The following HCFC1 variants were observed in gnomAD, a reference collection of about 807,000 sequenced individuals.
HCFC1 encodes host cell factor C1, also known as host cell factor 1.
HCFC1 carries 7 observed loss-of-function variants against 105.5 expected under a neutral mutation model. The observed-to-expected ratio is 0.07, with a 90% CI of 0.04 to 0.12. The LOEUF is 0.12. HCFC1 is among the 10% of genes least tolerant of loss of function. The probability of loss-of-function intolerance (pLI) is 1.00; values close to 1 mark genes in which losing one functional copy is unlikely to be tolerated. For missense variants in HCFC1, 1,065 were observed against 1,823.6 expected (o/e 0.58, Z 7.58); for synonymous variants, 918 against 828.1 (o/e 1.11, Z -1.86).
chrX:153,950,861 C>T lies in HCFC1; in HGVS notation c.5655G>A (p.Thr1885=), dbSNP rs781951219. 12 of 1,208,691 alleles carry T rather than the reference C, an allele frequency of 9.9e-6. No individual in the cohort carries two copies. The highest frequency in any genetic ancestry group is 8.9e-5 in the East Asian group (3 of 33,768). ...GGGCCCCTGGGAAACCAGGCAGGCACGTCTTAAAGGCTGAGATTTCGCTGA... is the reference window on the plus strand; with the variant it reads ...GGGCCCCTGGGAAACCAGGCAGGCATGTCTTAAAGGCTGAGATTTCGCTGA... The part of the protein sequence containing the change: ...GPFSEISAFK[T]CLPGFPGAPC... The change falls in exon 23 of 26, where the codon ACG becomes ACA. Residue 1885 remains threonine, a synonymous_variant. Transcript: ENST00000310441.
In HCFC1 at chrX:153,955,088, C is replaced by T; in HGVS notation, c.3311G>A (p.Cys1104Tyr). 3 of 1,210,476 alleles carry T rather than the reference C, an allele frequency of 2.5e-6. No individual in the cohort carries two copies. The highest frequency in any genetic ancestry group is 3.4e-6 in the Non-Finnish European group (3 of 894,851). The change falls in exon 17 of 26, where the codon TGC becomes TAC. Residue 1104 changes from cysteine (C) to tyrosine (Y), a missense_variant. Coordinates refer to ENST00000310441, the MANE Select transcript of HCFC1 (RefSeq NM_005334.3). ...ATSNMAGQHG[C>Y]SNPPCETHET... ...GTGGGTCTCGCAGGGTGGGTTTGAGCAGCCATGCTGCCCGGCCATGTTGGA... is the reference window on the plus strand; with the variant it reads ...GTGGGTCTCGCAGGGTGGGTTTGAGTAGCCATGCTGCCCGGCCATGTTGGA...
chrX:153,958,422 G>A, intron 10 of HCFC1, 147 bp downstream of exon 10: 1 of 673,244 alleles, frequency 1.5e-6, no homozygotes, highest in Non-Finnish European at 2.3e-6. Context: ...AAGGGAGGAG[G>A]CTGAGCCTGC....
At chrX:153,952,311 T>C in intron 19 of HCFC1, 153 bp from the exon 20 acceptor site, 1 of 1,002,607 alleles carries the variant, frequency 1.0e-6, no homozygotes, top group African/African-American at 1.9e-5. Flanking sequence ...GCCCTGCCTG[T>C]TTCCCAGGCG....
chrX:153,968,429 A>G (rs931958925), intron 1 of HCFC1, among the ~76,000 whole-genome samples: 2 of 111,993 alleles, frequency 1.8e-5, no homozygotes, highest in Non-Finnish European at 3.8e-5. Context: ...GACAAGACAA[A>G]GGTGACGAGG....
chrX:153,953,100 G>A (rs2065331104), intron 18 of HCFC1, 142 bp from the exon 19 acceptor site: 1 of 546,414 alleles, frequency 1.8e-6, no homozygotes, highest in African/African-American at 2.3e-5. Flanking sequence ...TCTAGAAAGG[G>A]AGAGAAGCCC....
In HCFC1 at chrX:153,952,857, C is replaced by T; in HGVS notation, c.4599G>A (p.Glu1533=). 1 of 1,183,436 alleles carries T rather than the reference C, an allele frequency of 8.4e-7. No homozygotes were observed. The highest frequency in any genetic ancestry group is 1.1e-6 in the Non-Finnish European group (1 of 882,218). Reference sequence around the variant, plus strand: ...CAGGGGTCTGGGAGGCTGACAGGACCTCGGCGGACTCCCCCATCAGGGCTG... The same window carrying T: ...CAGGGGTCTGGGAGGCTGACAGGACTTCGGCGGACTCCCCCATCAGGGCTG... ...ASTALMGESA[E]VLSASQTPEL... The change falls in exon 19 of 26, where the codon GAG becomes GAA. Residue 1533 remains glutamate, a synonymous_variant. Coordinates refer to ENST00000310441, the MANE Select transcript of HCFC1 (RefSeq NM_005334.3).
intron 23 of HCFC1, 66 bp downstream of exon 23, chrX:153,950,747 C>T (rs1478402294): frequency 9.2e-7 from 1 of 1,085,475 alleles, no homozygotes; most frequent in Non-Finnish European, 1.3e-6. Flanking sequence ...CCCCCCCGGC[C>T]ACCTCATGTG....
Position 153,955,172 on chromosome X carries a change from G to A in HCFC1, c.3227C>T (p.Ser1076Leu), listed in dbSNP as rs1557114419. Residue 1076 changes from serine (S) to leucine (L), a missense_variant, in exon 17 of 26, where the codon TCG becomes TTG. Physicochemically the swap from Ser to Leu is moderately radical, Grantham distance 145. Around this residue, in one of 17 missense-constraint regions of HCFC1, gnomAD observed 546 missense variants for 599.9 expected, o/e 0.91. Coordinates refer to ENST00000310441, the MANE Select transcript of HCFC1 (RefSeq NM_005334.3). ...CTCGTGGGTCTCGCAGGGCGGGTTC[G>A]AACAGACTCGGACCACGCTACCATT... Reference protein sequence around the residue: ...QQNGSVVRVCSNPPCETHETG... With the variant: ...QQNGSVVRVCLNPPCETHETG... 5 of 1,211,547 alleles carry A rather than the reference G, an allele frequency of 4.1e-6. No individual in the cohort carries two copies. Among genetic ancestry groups the A allele is most frequent in the Admixed American group, 4.3e-5 (2 of 46,093 alleles).
Position 153,971,523 on chromosome X carries a change from G to C in HCFC1, c.-683C>G, listed in dbSNP as rs2065534455. On this transcript the variant is annotated 5_prime_UTR_variant, in exon 1 of 26. Coordinates refer to ENST00000310441, the MANE Select transcript of HCFC1 (RefSeq NM_005334.3). Reference sequence around the variant, plus strand: ...GGGCTCGCGCCGTACGGCTTGTGAAGTCTCGCGCCTCTCCCCTTAGTCCGC... The same window carrying C: ...GGGCTCGCGCCGTACGGCTTGTGAACTCTCGCGCCTCTCCCCTTAGTCCGC... 6.8e-6 allele frequency: 2 copies of C among 294,400 alleles called. No individual in the cohort carries two copies. The highest frequency in any genetic ancestry group is 4.8e-5 in the East Asian group (1 of 20,891). 24.3% of individuals were successfully genotyped at this position (294,400 alleles called of 1,213,427 possible). A position where few individuals can be genotyped will look rare whatever the true frequency, so the allele number is the denominator to read the frequency against.
Position 153,950,795 on chromosome X carries a change from C to T in HCFC1, c.5703+18G>A. 8.3e-7 allele frequency: 1 copy of T among 1,205,255 alleles called. No homozygotes were observed. Among genetic ancestry groups the T allele is most frequent in the Non-Finnish European group, 1.1e-6 (1 of 891,281 alleles). ...GAAACCAACCAGGGACAGACGGCCA[C>T]CCCACAGCAAGACTCACTTTGCTGA... On this transcript the variant is annotated intron_variant, in intron 23 of 25. Coordinates refer to ENST00000310441, the MANE Select transcript of HCFC1 (RefSeq NM_005334.3).
In HCFC1 at chrX:153,970,691, G is replaced by C. The variant is rs1557119890; in HGVS notation, c.150C>G (p.Gly50=). 8.3e-7 allele frequency: 1 copy of C among 1,209,324 alleles called. No homozygotes were observed. Among genetic ancestry groups the C allele is most frequent in the East Asian group, 3.0e-5 (1 of 33,657 alleles). ...AIKELIVVFG[G]GNEGIVDELH... is the part of the protein sequence containing the mutation. ...GTTCGTCCACTATTCCCTCGTTGCC[G>C]CCGCCAAACACCACGATGAGCTCCT... The change falls in exon 1 of 26, where the codon GGC becomes GGG. Residue 50 remains glycine (G), a synonymous_variant. Transcript: ENST00000310441.
rs1486861476 is a variant in HCFC1 at position 153,954,476 on chromosome X, G to A, written c.3923C>T (p.Ser1308Leu). The change falls in exon 17 of 26, where the codon TCG (serine) becomes TTG (leucine). Residue 1308 changes from serine to leucine, a missense_variant. Ser to Leu is a moderately radical substitution (Grantham distance 145). Coordinates refer to ENST00000310441, the MANE Select transcript of HCFC1 (RefSeq NM_005334.3). Reference sequence around the variant, plus strand: ...CACCCTCTGGGCGCTGCCTGCATTCGAGGTAGTGGCGGTGTTGGTGGTGCC... The same window carrying A: ...CACCCTCTGGGCGCTGCCTGCATTCAAGGTAGTGGCGGTGTTGGTGGTGCC... Reference protein sequence around the residue: ...ETGTTNTATTSNAGSAQRVCS... With the variant: ...ETGTTNTATTLNAGSAQRVCS... The A allele has an allele frequency of 3.3e-6, 4 of 1,209,569 alleles. No individual in the cohort carries two copies. Among genetic ancestry groups the A allele is most frequent in the Admixed American group, 2.2e-5 (1 of 45,932 alleles).
Position 153,956,957 on chromosome X carries a change from G to C in HCFC1, c.2457C>G (p.Pro819=). ...GAPAKIITAV[P]KIATGHGQQG... is the part of the protein sequence containing the mutation. ...GCTGCCCGTGGCCAGTGGCAATTTT[G>C]GGGACAGCAGTGATGATTTTCGCAG... The change falls in exon 14 of 26, where the codon CCC becomes CCG. Residue 819 remains proline, a synonymous_variant. Transcript: ENST00000310441. The C allele has an allele frequency of 2.5e-6, 3 of 1,210,629 alleles. No individual in the cohort carries two copies. The highest frequency in any genetic ancestry group is 1.7e-5 in the African/African-American group (1 of 57,746).
chrX:153,955,016 C>A lies in HCFC1; in HGVS notation c.3383G>T (p.Gly1128Val). The change falls in exon 17 of 26, where the codon GGC (glycine) becomes GTC (valine). Residue 1128 changes from glycine to valine, a missense_variant. By Grantham distance (109) the Gly-to-Val change is moderately radical. This residue lies in a region of HCFC1 where 546 missense variants were observed against 599.9 expected (regional missense o/e 0.91). Transcript: ENST00000310441. Reference protein sequence around the residue: ...NTATTAMSSVGANHQRDARRA... With the variant: ...NTATTAMSSVVANHQRDARRA... ...ACGGGCATCTCGCTGGTGGTTGGCG[C>A]CGACGCTCGACATGGCTGTAGTGGC... is the stretch of plus-strand genomic sequence containing the variant. The A allele has an allele frequency of 8.3e-7, 1 of 1,209,847 alleles. No individual in the cohort carries two copies. Among genetic ancestry groups the A allele is most frequent in the South Asian group, 1.8e-5 (1 of 56,810 alleles).
In HCFC1 at chrX:153,960,097, G is replaced by A. The variant is rs782754316; in HGVS notation, c.1149C>T (p.Ser383=). Residue 383 remains serine (S), a synonymous_variant, in exon 8 of 26, where the codon AGC becomes AGT. Transcript: ENST00000310441. ...TGTCGGCTGTTGCCACTGCCCCCCA[G>A]CTCACCTCCAGGGAGTTGGTGTTGG... ...VRANTNSLEV[S]WGAVATADSY... 4.1e-6 allele frequency: 5 copies of A among 1,211,366 alleles called. No homozygotes were observed. In the Admixed American group the frequency reaches 1.1e-4, roughly 26 times the overall value.
chrX:153,962,764 CCA>C (rs781790733), intron 4 of HCFC1, among the ~76,000 whole-genome samples: 4 of 111,597 alleles, frequency 3.6e-5, no homozygotes, highest in Non-Finnish European at 5.7e-5. Flanking sequence ...CTCCGGAGAT[CCA>C]CAGTTAGTAA....
intron 19 of HCFC1, 102 bp from the exon 20 acceptor site, chrX:153,952,260 C>G (rs782330889): frequency 5.9e-4 from 632 of 1,068,127 alleles, no homozygotes; most frequent in Non-Finnish European, 7.2e-4. Context: ...CCCCGTCCAC[C>G]TCCTACCGTG....
intron 19 of HCFC1, 56 bp downstream of exon 19, chrX:153,952,458 G>A (rs782468731): frequency 5.6e-6 from 6 of 1,069,461 alleles, no homozygotes; most frequent in African/African-American, 3.7e-5. Flanking sequence ...GGCTGTCTCC[G>A]CGGCCTATTG....
At chrX:153,953,503 G>C (rs2148566281) in intron 18 of HCFC1, 104 bp downstream of exon 18, 1 of 835,545 alleles carries the variant, frequency 1.2e-6, no homozygotes, top group Non-Finnish European at 1.7e-6. Context: ...GGGACCAGGA[G>C]CGGCCCCATG....
Sources: allele counts gnomAD v4.1 joint callset (sites outside exome capture counted in the v4.1 genomes callset), GRCh38; gene constraint gnomAD v4.1.1; regional missense constraint gnomAD v4.1.1; transcripts MANE v1.5; gene names NCBI Gene and HGNC (gene_info 2026-07-23, HGNC 2026-07-21).